The following RBFOX1 variants were observed in gnomAD, a reference collection of about 807,000 sequenced individuals.
RBFOX1 encodes RNA binding fox-1 homolog 1, also known as RNA binding protein fox-1 homolog 1.
Under a neutral mutation model 57.7 loss-of-function variants are expected in RBFOX1, and 8 were observed. That is an observed-to-expected ratio of 0.14 (90% CI 0.08 to 0.25). RBFOX1 has a LOEUF of 0.25. Among genes scored for constraint, RBFOX1 ranks in the 10% least tolerant of loss-of-function variants. The probability of loss-of-function intolerance (pLI) is 1.00; values close to 1 mark genes in which losing one functional copy is unlikely to be tolerated. For missense variants in RBFOX1, 611 were observed against 548.5 expected (o/e 1.11, Z -1.14); for synonymous variants, 326 against 222.4 (o/e 1.47, Z -4.15).
intron 4 of RBFOX1, among the ~76,000 whole-genome samples, chr16:7,465,823 A>C (rs529386697): frequency 4.6e-5 from 7 of 152,294 alleles, no homozygotes; most frequent in African/African-American, 1.7e-4. Context: ...TCTTGTCTAC[A>C]CCGAAGTGCT....
At chr16:6,313,857 G>T (rs1404616794) in intron 1 of RBFOX1, among the ~76,000 whole-genome samples, 1 of 151,908 alleles carries the variant, frequency 6.6e-6, no homozygotes, top group Non-Finnish European at 1.5e-5. Context: ...CACTCTTCTG[G>T]AACTCTAGAG....
At position 7,372,335 on chromosome 16, in the gene RBFOX1, C is replaced by G. The variant is rs141934590; in HGVS notation, c.28-145812C>G. Among the ~76,000 whole-genome samples, 377 of 152,290 alleles carry G rather than the reference C, an allele frequency of 2.5e-3. 1 individual carries two copies. Among genetic ancestry groups the G allele is most frequent in the African/African-American group, 8.6e-3 (358 of 41,578 alleles). On this transcript the variant is annotated intron_variant, in intron 4 of 15. Coordinates refer to ENST00000550418, the MANE Select transcript of RBFOX1 (RefSeq NM_018723.4). ...GGCTCTAAAGGACACAGTGTTCACCCTGCTTAGGATCAGACAACTGCCTAG... is the reference window on the plus strand; with the variant it reads ...GGCTCTAAAGGACACAGTGTTCACCGTGCTTAGGATCAGACAACTGCCTAG...
At chr16:7,226,112 C>G (rs768167338) in intron 4 of RBFOX1, among the ~76,000 whole-genome samples, 3 of 152,028 alleles carry the variant, frequency 2.0e-5, no homozygotes, top group Non-Finnish European at 4.4e-5. Context: ...GAGATCCTAT[C>G]ACTTTGTCTT....
chr16:5,658,744 GTA>G (rs56147435), intron 3 of RBFOX1, among the ~76,000 whole-genome samples: 132,030 of 146,110 alleles, frequency 0.9, 60,353 homozygotes, highest in East Asian at 1. Flanking sequence ...ATATAAATGT[GTA>G]TATATATATA....
chr16:6,794,158 A>G (rs1408254208), intron 3 of RBFOX1, among the ~76,000 whole-genome samples: 1 of 152,076 alleles, frequency 6.6e-6, no homozygotes, highest in Non-Finnish European at 1.5e-5. Flanking sequence ...AGTGTTCCCT[A>G]AGTTCTTCCC....
At position 7,709,051 on chromosome 16, in the gene RBFOX1, T is replaced by C. The variant is rs2083422665; in HGVS notation, c.996-5T>C. On this transcript the variant is annotated splice_polypyrimidine_tract_variant and splice_region_variant and intron_variant, in intron 14 of 15. Transcript: ENST00000550418. ...GATCAATCTTCACCTCTATTTTCCT[T>C]TCAGTTACGGACGAGTTTATGCTGC... The C allele has an allele frequency of 6.2e-7, 1 of 1,611,804 alleles. No homozygotes were observed. The highest frequency in any genetic ancestry group is 8.5e-7 in the Non-Finnish European group (1 of 1,177,954).
intron 4 of RBFOX1, among the ~76,000 whole-genome samples, chr16:5,901,572 T>A (rs1452958046): frequency 1.3e-5 from 2 of 152,248 alleles, no homozygotes; most frequent in East Asian, 3.9e-4. Flanking sequence ...AAATTAGAAA[T>A]TCAGCCCCTC....
intron 1 of RBFOX1, chr16:5,467,152 T>G: frequency 7.2e-7 from 1 of 1,392,964 alleles, no homozygotes; most frequent in East Asian, 2.5e-5. Flanking sequence ...AAGCAATTGT[T>G]TCAATGTAGA....
At chr16:6,823,123 G>A (rs1166221865) in intron 3 of RBFOX1, among the ~76,000 whole-genome samples, 1 of 152,154 alleles carries the variant, frequency 6.6e-6, no homozygotes, top group East Asian at 1.9e-4. Context: ...GCCATTTTAT[G>A]AAGCCTGTAT....
chr16:7,216,898 C>G (rs970059137), intron 4 of RBFOX1, among the ~76,000 whole-genome samples: 12 of 152,114 alleles, frequency 7.9e-5, no homozygotes, highest in African/African-American at 1.2e-4. Context: ...GTAATCATTA[C>G]TTTCCCATTT....
chr16:7,350,945 A>G (rs1296729735), intron 4 of RBFOX1, among the ~76,000 whole-genome samples: 1 of 152,232 alleles, frequency 6.6e-6, no homozygotes, highest in Non-Finnish European at 1.5e-5. Flanking sequence ...AACCTGCCTG[A>G]GCATGGAAGA....
intron 4 of RBFOX1, among the ~76,000 whole-genome samples, chr16:7,452,006 A>G (rs1218779102): frequency 6.6e-6 from 1 of 152,218 alleles, no homozygotes; most frequent in Non-Finnish European, 1.5e-5. Flanking sequence ...AGTACGACCA[A>G]AGAGAAAGAT....
intron 4 of RBFOX1, among the ~76,000 whole-genome samples, chr16:7,241,281 A>G (rs2094043437): frequency 6.6e-6 from 1 of 152,098 alleles, no homozygotes; most frequent in African/African-American, 2.4e-5. Flanking sequence ...ACTACTATTT[A>G]TTCTAATTCT....
At chr16:5,924,349 C>G (rs1411892647) in intron 4 of RBFOX1, among the ~76,000 whole-genome samples, 1 of 152,134 alleles carries the variant, frequency 6.6e-6, no homozygotes, top group Non-Finnish European at 1.5e-5. Flanking sequence ...AATTTGATTG[C>G]TAATGTTGGA....
chr16:5,350,390 G>C (rs184331815), intron 1 of RBFOX1, among the ~76,000 whole-genome samples: 6 of 152,288 alleles, frequency 3.9e-5, no homozygotes, highest in African/African-American at 1.2e-4. Context: ...TGATAGACGG[G>C]GGTGTGTCAG....
chr16:6,302,517 T>A (rs1599389773), intron 1 of RBFOX1, among the ~76,000 whole-genome samples: 1 of 152,276 alleles, frequency 6.6e-6, no homozygotes, highest in East Asian at 1.9e-4. Context: ...TTTTTCTTCT[T>A]GTGGGTAGGA....
intron 3 of RBFOX1, among the ~76,000 whole-genome samples, chr16:6,853,918 C>A (rs976302453): frequency 6.6e-6 from 1 of 152,128 alleles, no homozygotes; most frequent in Non-Finnish European, 1.5e-5. Flanking sequence ...ATAATTAGCT[C>A]TTCCTGGGTA....
In RBFOX1 at chr16:5,962,936, C is replaced by G. The variant is rs577883163; in HGVS notation, c.351+95601C>G. The stretch of plus-strand genomic sequence containing the variant: ...GGGACTCCAGACAGAGATCCAAGTT[C>G]AATATGGTCTTCTAATCCTTGGGAA... On this transcript the variant is annotated intron_variant, in intron 4 of 19. Coordinates refer to the RBFOX1 transcript ENST00000641259. Among the ~76,000 whole-genome samples the G allele has an allele frequency of 2.1e-4, 32 of 150,186 alleles. 1 individual carries two copies. The South Asian group carries it at 6.0e-3, about 28-fold the overall frequency.
At chr16:7,105,215 T>A (rs891171086) in intron 4 of RBFOX1, among the ~76,000 whole-genome samples, 4 of 152,000 alleles carry the variant, frequency 2.6e-5, no homozygotes, top group African/African-American at 9.7e-5. Flanking sequence ...CTATGGAGAT[T>A]GGCCAGGTCT....
Sources: gnomAD v4.1 joint callset for allele counts (sites outside exome capture counted in the v4.1 genomes callset) on GRCh38, gnomAD v4.1.1 for gene constraint, MANE v1.5 for transcripts, NCBI Gene and HGNC (gene_info 2026-07-23, HGNC 2026-07-21) for gene names.